Variants in PCDHGA7 observed in about 807,000 individuals in gnomAD.
The protein encoded by PCDHGA7 is protocadherin gamma subfamily A, 7.
In PCDHGA7, 44 loss-of-function variants were observed where a neutral mutation model predicts 58.3. The observed-to-expected ratio is 0.75, with a 90% confidence interval of 0.59 to 0.97. The LOEUF (loss-of-function observed/expected upper bound fraction) is 0.97. Among genes scored for constraint, PCDHGA7 ranks in the 50% least tolerant of loss-of-function variants. The pLI is 0.00. For missense variants in PCDHGA7, 1,266 were observed against 1,188.7 expected (o/e 1.06, Z -0.96); for synonymous variants, 516 against 504.2 (o/e 1.02, Z -0.31).
intron 1 of PCDHGA7, chr5:141,441,971 G>T: frequency 3.3e-6 from 1 of 298,820 alleles, no homozygotes; most frequent in Non-Finnish European, 6.5e-6. Context: ...AGGCTCTTCA[G>T]CCTGGAATGC....
intron 1 of PCDHGA7, chr5:141,403,277 C>G (rs2094385466): frequency 6.2e-7 from 1 of 1,613,750 alleles, no homozygotes; most frequent in Admixed American, 1.7e-5. Context: ...CTTTAAAGTC[C>G]TGGTTGAAGA....
At position 141,491,884 on chromosome 5, in the gene PCDHGA7, G is replaced by A. The variant is rs745931108; in HGVS notation, c.2425-2923G>A. The A allele has an allele frequency of 2.8e-6, 4 of 1,446,372 alleles. No homozygotes were observed. The highest frequency in any genetic ancestry group is 2.9e-5 in the Admixed American group (1 of 34,718). 89.6% of individuals were successfully genotyped at this position (1,446,372 alleles called of 1,614,324 possible). ...AACCAGAGTGGCCGATTAAGGGATG[G>A]GGCTCCGAGCACCGGGGGTGGTGGC... On this transcript the variant is annotated intron_variant, in intron 1 of 3. Coordinates refer to ENST00000518325, the MANE Select transcript of PCDHGA7 (RefSeq NM_018920.4). This position sits in a 1 kb window ranked among gnomAD's most constrained non-coding sequence, Gnocchi z 6.9.
intron 1 of PCDHGA7, chr5:141,403,862 G>A (rs1370445288): frequency 1.2e-6 from 2 of 1,613,508 alleles, no homozygotes; most frequent in East Asian, 2.2e-5. Flanking sequence ...AATATCAACA[G>A]CAAAAAGTCT....
intron 1 of PCDHGA7, chr5:141,409,668 A>G: frequency 6.2e-7 from 1 of 1,613,398 alleles, no homozygotes; most frequent in Non-Finnish European, 8.5e-7. Context: ...CACATCTCCT[A>G]CTCTATAGTG....
chr5:141,397,491 A>G (rs1462298713), intron 1 of PCDHGA7, among the ~76,000 whole-genome samples: 1 of 152,230 alleles, frequency 6.6e-6, no homozygotes, highest in Non-Finnish European at 1.5e-5. Flanking sequence ...AAATGAACAG[A>G]AGAATGATAA....
At chr5:141,419,172 T>A in intron 1 of PCDHGA7, 1 of 1,613,914 alleles carries the variant, frequency 6.2e-7, no homozygotes, top group Non-Finnish European at 8.5e-7. Context: ...AGCAAAACCA[T>A]AACCCTGCAC....
chr5:141,476,036 A>G lies in PCDHGA7; in HGVS notation c.2425-18771A>G. The G allele has an allele frequency of 1.4e-6, 2 of 1,471,164 alleles. No individual in the cohort carries two copies. Among genetic ancestry groups the G allele is most frequent in the Non-Finnish European group, 1.8e-6 (2 of 1,106,602 alleles). 91.1% of individuals were successfully genotyped at this position (1,471,164 alleles called of 1,614,324 possible). ...ATGTCGGACTCGGCGCCCAGCGCCCAAGCGCTAACCCGCTGAAAGTTTCTC... is the reference window on the plus strand; with the variant it reads ...ATGTCGGACTCGGCGCCCAGCGCCCGAGCGCTAACCCGCTGAAAGTTTCTC... On this transcript the variant is annotated intron_variant, in intron 1 of 3. Transcript: ENST00000518325. The surrounding 1 kb of genome is among the most constrained non-coding windows in gnomAD (Gnocchi z 7.6).
chr5:141,490,623 T>C lies in PCDHGA7; in HGVS notation c.2425-4184T>C. The C allele has an allele frequency of 3.1e-6, 5 of 1,614,174 alleles. No individual in the cohort carries two copies. The highest frequency in any genetic ancestry group is 4.2e-6 in the Non-Finnish European group (5 of 1,180,020). ...GCTTCAACCAGCAGCTTTACACTGC[T>C]TACATCCTAGAAAACCGGCCTCCGG... On this transcript the variant is annotated intron_variant, in intron 1 of 3. Coordinates refer to ENST00000518325, the MANE Select transcript of PCDHGA7 (RefSeq NM_018920.4). This position sits in a 1 kb window ranked among gnomAD's most constrained non-coding sequence, Gnocchi z 5.4.
chr5:141,431,127 T>C lies in PCDHGA7; in HGVS notation c.2424+45804T>C, dbSNP rs1455709617. ...AAAATATATGGAGTAGAAGTAGAAG[T>C]AAGGGACATTAACGACAATGCGCCT... On this transcript the variant is annotated intron_variant, in intron 1 of 3. Transcript: ENST00000518325. This position sits in a 1 kb window ranked among gnomAD's most constrained non-coding sequence, Gnocchi z 4.8. 1 of 1,614,176 alleles carries C rather than the reference T, an allele frequency of 6.2e-7. No individual in the cohort carries two copies. Among genetic ancestry groups the C allele is most frequent in the East Asian group, 2.2e-5 (1 of 44,878 alleles).
chr5:141,394,980 C>T, intron 1 of PCDHGA7: 2 of 1,614,012 alleles, frequency 1.2e-6, no homozygotes, highest in Non-Finnish European at 1.7e-6. Flanking sequence ...GCACAAGTCA[C>T]GCCTGCTCCA....
chr5:141,383,425 C>T lies in PCDHGA7; in HGVS notation c.526C>T (p.Arg176Cys). Residue 176 changes from arginine to cysteine, a missense_variant, in exon 1 of 4, where the codon CGC becomes TGC. Coordinates refer to ENST00000518325, the MANE Select transcript of PCDHGA7 (RefSeq NM_018920.4). The stretch of plus-strand genomic sequence containing the variant: ...CCAGAGTTACCAGCTCAGCCCCAAT[C>T]GCCACTTCTCCCTGGCTGTGCAAAG... ...SLQSYQLSPN[R>C]HFSLAVQSGD... The T allele has an allele frequency of 6.2e-7, 1 of 1,613,980 alleles. No individual in the cohort carries two copies. The highest frequency in any genetic ancestry group is 8.5e-7 in the Non-Finnish European group (1 of 1,179,900).
intron 1 of PCDHGA7, chr5:141,424,460 C>T (rs2096822106): frequency 6.6e-6 from 1 of 152,056 alleles, no homozygotes; most frequent in African/African-American, 2.4e-5. Context: ...GTATTATTTC[C>T]TTTTATTCTT....
At chr5:141,396,683 T>G (rs1445621329) in intron 1 of PCDHGA7, 1 of 152,136 alleles carries the variant, frequency 6.6e-6, no homozygotes, top group Non-Finnish European at 1.5e-5. Context: ...ATTGTATTCC[T>G]GCATACCTTC....
intron 1 of PCDHGA7, chr5:141,388,870 G>T (rs1196888001): frequency 4.3e-6 from 7 of 1,613,964 alleles, no homozygotes; most frequent in Non-Finnish European, 5.9e-6. Flanking sequence ...ATTGCGCAAT[G>T]CACAGTGGAG....
At chr5:141,499,271 T>C (rs2099790752) in intron 2 of PCDHGA7, among the ~76,000 whole-genome samples, 1 of 152,180 alleles carries the variant, frequency 6.6e-6, no homozygotes, top group South Asian at 2.1e-4. Context: ...GTCCCTAGAC[T>C]GTTCTCTGAT....
chr5:141,423,569 TC>T (rs2096755253), intron 1 of PCDHGA7: 1 of 1,613,362 alleles, frequency 6.2e-7, no homozygotes, highest in Non-Finnish European at 8.5e-7. Context: ...GACACGCTCA[TC>T]AGCCAGGAGA....
chr5:141,410,660 T>C (rs911543817), intron 1 of PCDHGA7: 12 of 1,572,396 alleles, frequency 7.6e-6, no homozygotes, highest in African/African-American at 2.7e-5. Context: ...TCTAATAGTC[T>C]ACTAGTTTCT....
chr5:141,422,543 T>C lies in PCDHGA7; in HGVS notation c.2424+37220T>C, dbSNP rs2096655736. 1 of 1,613,882 alleles carries C rather than the reference T, an allele frequency of 6.2e-7. No homozygotes were observed. Among genetic ancestry groups the C allele is most frequent in the African/African-American group, 1.3e-5 (1 of 74,928 alleles). Reference sequence around the variant, plus strand: ...CCGCCTTTGTCTGCAGAAACTCATGTCTGGCTGAATGTGGCAGATGACAAC... The same window carrying C: ...CCGCCTTTGTCTGCAGAAACTCATGCCTGGCTGAATGTGGCAGATGACAAC... On this transcript the variant is annotated intron_variant, in intron 1 of 3. Coordinates refer to ENST00000518325, the MANE Select transcript of PCDHGA7 (RefSeq NM_018920.4).
In PCDHGA7 at chr5:141,389,323, G is replaced by T. The variant is rs1230521211; in HGVS notation, c.2424+4000G>T. 26 of 1,613,980 alleles carry T rather than the reference G, an allele frequency of 1.6e-5. No individual in the cohort carries two copies. Among genetic ancestry groups the T allele is most frequent in the Non-Finnish European group, 1.8e-5 (21 of 1,179,896 alleles). ...GTCAGGGCTTCTGATCCGGACTTGG[G>T]GCCCAACGGCCAAGTCTCTTACTGC... On this transcript the variant is annotated intron_variant, in intron 1 of 3. Transcript: ENST00000518325.
Sources: allele counts gnomAD v4.1 joint callset (sites outside exome capture counted in the v4.1 genomes callset), GRCh38; gene constraint gnomAD v4.1.1; non-coding constraint Gnocchi (gnomAD v3.1); transcripts MANE v1.5; gene names NCBI Gene and HGNC (gene_info 2026-07-23, HGNC 2026-07-21).